Variants in DSCAM observed in about 807,000 individuals in gnomAD.
DSCAM encodes the protein cell adhesion molecule DSCAM.
A neutral mutation model predicts 217.7 loss-of-function variants in DSCAM; 47 were observed. The ratio of observed to expected loss-of-function variants is 0.22; its 90% CI spans 0.17 to 0.28. The LOEUF (loss-of-function observed/expected upper bound fraction) is 0.28. Ranked by LOEUF, DSCAM falls within the 10% of genes least tolerant of loss-of-function variation. DSCAM has a pLI of 1.00. For missense variants in DSCAM, 2,080 were observed against 2,618.3 expected, an observed-to-expected ratio of 0.79 and a Z score of 4.49; for synonymous variants, 1,056 against 1,015.3, an observed-to-expected ratio of 1.04 and a Z score of -0.76.
At chr21:40,199,293 G>T (rs770011759) in intron 11 of DSCAM, among the ~76,000 whole-genome samples, 1 of 152,076 alleles carries the variant, frequency 6.6e-6, no homozygotes, top group Non-Finnish European at 1.5e-5. Flanking sequence ...TGAGAATGAT[G>T]ACTTCCAGCT....
At chr21:40,728,280 G>A (rs560259824) in intron 1 of DSCAM, among the ~76,000 whole-genome samples, 68 of 152,220 alleles carry the variant, frequency 4.5e-4, no homozygotes, top group Admixed American at 2.5e-3. Context: ...TCCTACAATA[G>A]TTTCTAGCAT....
intron 11 of DSCAM, among the ~76,000 whole-genome samples, chr21:40,242,841 G>A (rs1348280438): frequency 6.6e-6 from 1 of 152,202 alleles, no homozygotes; most frequent in Non-Finnish European, 1.5e-5. Context: ...GCTGCGTACT[G>A]AGCAGAACCC....
At chr21:40,504,573 A>G (rs2076195468) in intron 3 of DSCAM, among the ~76,000 whole-genome samples, 1 of 152,158 alleles carries the variant, frequency 6.6e-6, no homozygotes, top group African/African-American at 2.4e-5. Context: ...AAAATAAAAA[A>G]AGAAGAACAA....
chr21:40,305,026 T>A (rs35579604), intron 9 of DSCAM, among the ~76,000 whole-genome samples: 1 of 152,086 alleles, frequency 6.6e-6, no homozygotes, highest in African/African-American at 2.4e-5. Context: ...ATGGTCCCCA[T>A]AGACTTGCTC....
Position 40,080,775 on chromosome 21 carries a change from C to T in DSCAM, c.4232-435G>A, listed in dbSNP as rs562908156. ...TGGGAGTAGAGATTTCTTCAACTGC[C>T]TCACTCCTCATGTACTCCTGGTCTC... On this transcript the variant is annotated intron_variant, in intron 24 of 32. Transcript: ENST00000400454. Among the ~76,000 whole-genome samples the T allele has an allele frequency of 9.2e-5, 14 of 152,290 alleles. No homozygotes were observed. The East Asian group carries it at 2.5e-3, about 27-fold the overall frequency.
chr21:40,632,073 C>T (rs576504580), intron 3 of DSCAM, among the ~76,000 whole-genome samples: 4 of 152,350 alleles, frequency 2.6e-5, no homozygotes, highest in African/African-American at 9.6e-5. Flanking sequence ...CCTTTTACAG[C>T]TCTGAGTTTG....
intron 3 of DSCAM, among the ~76,000 whole-genome samples, chr21:40,424,792 T>C (rs543899691): frequency 1.3e-5 from 2 of 152,304 alleles, no homozygotes; most frequent in South Asian, 4.1e-4. Context: ...GTGAGTTTCC[T>C]GGGGGTTTCC....
At chr21:40,233,599 T>C (rs2091401071) in intron 11 of DSCAM, among the ~76,000 whole-genome samples, 1 of 152,126 alleles carries the variant, frequency 6.6e-6, no homozygotes, top group South Asian at 2.1e-4. Context: ...TTTCTGTCCT[T>C]CTCCTCCACA....
chr21:40,811,389 TC>T (rs2091837306), intron 1 of DSCAM, among the ~76,000 whole-genome samples: 1 of 152,246 alleles, frequency 6.6e-6, no homozygotes, highest in African/African-American at 2.4e-5. Context: ...ATTGACTCAG[TC>T]AAGTACCTGA....
chr21:40,780,504 T>C (rs1483399401), intron 1 of DSCAM, among the ~76,000 whole-genome samples: 2 of 149,320 alleles, frequency 1.3e-5, no homozygotes, highest in Non-Finnish European at 3.0e-5. Context: ...AAAAGTCAAG[T>C]GTGTGGAGTG....
At chr21:40,499,550 C>A (rs1326303416) in intron 3 of DSCAM, among the ~76,000 whole-genome samples, 1 of 152,174 alleles carries the variant, frequency 6.6e-6, no homozygotes, top group African/African-American at 2.4e-5. Context: ...GTGGGACAAA[C>A]TATGATCCAA....
intron 8 of DSCAM, among the ~76,000 whole-genome samples, chr21:40,322,933 C>T (rs2074276153): frequency 1.3e-5 from 2 of 152,198 alleles, no homozygotes; most frequent in Admixed American, 1.3e-4. Context: ...GACCAGATTC[C>T]TTTCAAGAAA....
chr21:40,467,873 T>C (rs1270400260), intron 3 of DSCAM, among the ~76,000 whole-genome samples: 1 of 142,782 alleles, frequency 7.0e-6, no homozygotes, highest in Non-Finnish European at 1.5e-5. Flanking sequence ...CTGGGAACTA[T>C]ATCAGGCAAG....
chr21:40,357,562 C>A (rs1363758680), intron 4 of DSCAM, among the ~76,000 whole-genome samples: 1 of 152,116 alleles, frequency 6.6e-6, no homozygotes, highest in African/African-American at 2.4e-5. Flanking sequence ...AACACCATTG[C>A]AATATTGTTT....
chr21:40,654,395 G>C (rs780952819), intron 3 of DSCAM, among the ~76,000 whole-genome samples: 22 of 152,150 alleles, frequency 1.4e-4, no homozygotes, highest in Non-Finnish European at 2.6e-4. Flanking sequence ...GTCAGCACAT[G>C]GCACATGTGA....
chr21:40,212,791 G>C (rs2091198522), intron 11 of DSCAM, among the ~76,000 whole-genome samples: 1 of 152,170 alleles, frequency 6.6e-6, no homozygotes, highest in Admixed American at 6.5e-5. Flanking sequence ...AAGAAAGTAA[G>C]AACCTCTAGA....
intron 3 of DSCAM, among the ~76,000 whole-genome samples, chr21:40,554,483 A>G (rs2076655723): frequency 6.6e-6 from 1 of 152,140 alleles, no homozygotes; most frequent in Non-Finnish European, 1.5e-5. Context: ...CTTGTGGACA[A>G]TTTTGGGGAA....
At chr21:40,682,196 C>CG (rs1555879936) in intron 3 of DSCAM, among the ~76,000 whole-genome samples, 2 of 151,516 alleles carry the variant, frequency 1.3e-5, no homozygotes, top group African/African-American at 4.9e-5. Flanking sequence ...CAGAGGGATG[C>CG]GGGGGAGTGA....
At chr21:40,800,794 C>A (rs1376497221) in intron 1 of DSCAM, among the ~76,000 whole-genome samples, 2 of 150,050 alleles carry the variant, frequency 1.3e-5, no homozygotes, top group African/African-American at 2.5e-5. Flanking sequence ...CGGCTCACTG[C>A]AACCTCTGCC....
Sources: allele counts gnomAD v4.1 joint callset (sites outside exome capture counted in the v4.1 genomes callset), GRCh38; gene constraint gnomAD v4.1.1; transcripts MANE v1.5; gene names NCBI Gene and HGNC (gene_info 2026-07-23, HGNC 2026-07-21).